Variants in SLC8A1 observed in about 807,000 individuals in gnomAD.
SLC8A1 encodes the protein solute carrier family 8 member A1, also known as sodium/calcium exchanger 1.
SLC8A1 carries 18 observed loss-of-function variants against 68.3 expected under a neutral mutation model. The observed-to-expected ratio is 0.26, with a 90% CI of 0.18 to 0.39. SLC8A1 has a LOEUF of 0.39. Among genes scored for constraint, SLC8A1 ranks in the 10% least tolerant of loss-of-function variants. SLC8A1 has a pLI of 1.00. For synonymous variants in SLC8A1, 475 were observed against 415.5 expected (o/e 1.14, Z -1.74); for missense variants, 985 against 1,156.7 (o/e 0.85, Z 2.15).
chr2:40,510,620 G>A (rs1007652187), intron 1 of SLC8A1, among the ~76,000 whole-genome samples: 10 of 152,020 alleles, frequency 6.6e-5, no homozygotes, highest in African/African-American at 2.4e-4. Context: ...CCATCTTTTC[G>A]TAGGCCTGTT....
chr2:40,402,492 GTATT>G lies in SLC8A1; in HGVS notation c.1808+25977_1808+25980del, dbSNP rs1689051600. Among the ~76,000 whole-genome samples the G allele has an allele frequency of 5.9e-5, 9 of 152,288 alleles. No homozygotes were observed. The South Asian group carries it at 1.9e-3, about 32-fold the overall frequency. On this transcript the variant is annotated intron_variant, in intron 2 of 7. Transcript: ENST00000406785. ...CTTAATAAACTTGCTTTCACTTTAT[GTATT>G]TGCCCCGAATTCTTTCTTGCACAAG...
Position 40,232,751 on chromosome 2 carries a change from C to CT in SLC8A1, c.1809-54897_1809-54896insA, listed in dbSNP as rs1185958882. Among the ~76,000 whole-genome samples, 3 of 87,176 alleles carry CT rather than the reference C, an allele frequency of 3.4e-5. 1 individual carries two copies. The highest frequency in any genetic ancestry group is 8.4e-5 in the Non-Finnish European group (3 of 35,892). The allele number at this position is 87,176 out of a possible 152,430, so 57.2% of individuals were successfully genotyped here. A position where few individuals can be genotyped will look rare whatever the true frequency, so the allele number is the denominator to read the frequency against. Reference sequence around the variant, plus strand: ...ATCTCCCAGTGCTATCCCTCCCCCCCCGCCACCCCACAACAGTCCCCAGAG... The same window carrying CT: ...ATCTCCCAGTGCTATCCCTCCCCCCCTCGCCACCCCACAACAGTCCCCAGAG... On this transcript the variant is annotated intron_variant, in intron 2 of 7. Transcript: ENST00000406785.
intron 1 of SLC8A1, among the ~76,000 whole-genome samples, chr2:40,468,434 C>A (rs571212657): frequency 6.6e-6 from 1 of 152,080 alleles, no homozygotes; most frequent in Non-Finnish European, 1.5e-5. Flanking sequence ...TTATGTCTTT[C>A]TACATAATTC....
chr2:40,424,457 T>C (rs1696338198), intron 2 of SLC8A1, among the ~76,000 whole-genome samples: 3 of 151,766 alleles, frequency 2.0e-5, no homozygotes, highest in Non-Finnish European at 3.0e-5. Flanking sequence ...ACCCATATAC[T>C]ACTGAAATTT....
chr2:40,261,085 T>C (rs1423559242), intron 2 of SLC8A1, among the ~76,000 whole-genome samples: 1 of 152,202 alleles, frequency 6.6e-6, no homozygotes, highest in Non-Finnish European at 1.5e-5. Context: ...CAGGTCAAAA[T>C]GGCACTTGCT....
At chr2:40,177,369 G>T (rs987362057) in intron 3 of SLC8A1, among the ~76,000 whole-genome samples, 1 of 152,136 alleles carries the variant, frequency 6.6e-6, no homozygotes, top group Non-Finnish European at 1.5e-5. Context: ...CTTTATTGAG[G>T]TATGATTGAT....
intron 2 of SLC8A1, among the ~76,000 whole-genome samples, chr2:40,345,029 C>CGA (rs1668818823): frequency 6.6e-6 from 1 of 152,168 alleles, no homozygotes; most frequent in South Asian, 2.1e-4. Flanking sequence ...TGACAAGAGG[C>CGA]TATAAGCCAT....
chr2:40,216,198 C>T lies in SLC8A1; in HGVS notation c.1809-38343G>A, dbSNP rs533275914. Among the ~76,000 whole-genome samples, 28 of 152,170 alleles carry T rather than the reference C, an allele frequency of 1.8e-4. No individual in the cohort carries two copies. In the East Asian group the frequency reaches 4.1e-3, roughly 22 times the overall value. Reference sequence around the variant, plus strand: ...GGCCCTGGTGTGTGGTGTTCCCCCTCCCTGTGTCCATGTGTTCTCAATGTT... The same window carrying T: ...GGCCCTGGTGTGTGGTGTTCCCCCTTCCTGTGTCCATGTGTTCTCAATGTT... On this transcript the variant is annotated intron_variant, in intron 2 of 7. Coordinates refer to ENST00000406785, the Ensembl canonical transcript of SLC8A1.
intron 6 of SLC8A1, among the ~76,000 whole-genome samples, chr2:40,148,006 C>T (rs935942789): frequency 3.9e-5 from 6 of 152,152 alleles, no homozygotes; most frequent in Admixed American, 2.6e-4. Flanking sequence ...TCTGTCACCT[C>T]GCTACAATTA....
rs3059526 is a variant in SLC8A1, at chr2:40,325,777, CAAAAAAAAAAAA to C, written c.1808+102684_1808+102695del. The stretch of plus-strand genomic sequence containing the variant: ...TGAAACCCTGTCTCTACTAAAAATA[CAAAAAAAAAAAA>C]AAAAAAAAAAAAAAAGTAGCTGAGC... On this transcript the variant is annotated intron_variant, in intron 2 of 7. Transcript: ENST00000406785. 2.0e-4 allele frequency among the ~76,000 whole-genome samples: 9 copies of C among 45,010 alleles called. No individual in the cohort carries two copies. In the East Asian group the frequency reaches 3.0e-3, roughly 15 times the overall value. 29.5% of individuals were successfully genotyped at this position (45,010 alleles called of 152,430 possible).
chr2:40,126,177 C>T (rs1360674715), intron 7 of SLC8A1, among the ~76,000 whole-genome samples: 3 of 152,238 alleles, frequency 2.0e-5, no homozygotes, highest in Admixed American at 1.3e-4. Flanking sequence ...GATAACAACT[C>T]CATGCTCTGA....
chr2:40,347,028 A>T (rs919145237), intron 2 of SLC8A1, among the ~76,000 whole-genome samples: 1 of 152,234 alleles, frequency 6.6e-6, no homozygotes, highest in African/African-American at 2.4e-5. Flanking sequence ...AAAGCACAGC[A>T]TGTGACAGAA....
chr2:40,122,341 A>T (rs1051897975), intron 7 of SLC8A1, among the ~76,000 whole-genome samples: 1 of 152,168 alleles, frequency 6.6e-6, no homozygotes, highest in Non-Finnish European at 1.5e-5. Flanking sequence ...ACTGATTAAT[A>T]ACCAGGTAGA....
intron 2 of SLC8A1, among the ~76,000 whole-genome samples, chr2:40,233,865 A>C (rs1177181598): frequency 6.6e-6 from 1 of 151,520 alleles, no homozygotes; most frequent in Non-Finnish European, 1.5e-5. Flanking sequence ...TCCTTTCCCC[A>C]TTGCTTGTTT....
intron 2 of SLC8A1, among the ~76,000 whole-genome samples, chr2:40,350,133 TG>T (rs1670600452): frequency 6.6e-6 from 1 of 152,226 alleles, no homozygotes; most frequent in Non-Finnish European, 1.5e-5. Flanking sequence ...ATTTATATGA[TG>T]TTTTAAAATC....
exon 8 of SLC8A1, chr2:40,109,364 C>G (rs921608212): frequency 2.0e-5 from 3 of 152,164 alleles, no homozygotes; most frequent in East Asian, 3.9e-4. Context: ...CATTCCCAAT[C>G]CACACCTACA....
At chr2:40,312,748 G>A (rs553424897) in intron 2 of SLC8A1, among the ~76,000 whole-genome samples, 1 of 152,124 alleles carries the variant, frequency 6.6e-6, no homozygotes, top group East Asian at 1.9e-4. Context: ...TGGAACCATG[G>A]TGTGCCAGAT....
chr2:40,216,092 G>A (rs1296443956), intron 2 of SLC8A1, among the ~76,000 whole-genome samples: 2 of 150,476 alleles, frequency 1.3e-5, no homozygotes, highest in Admixed American at 6.6e-5. Flanking sequence ...TTGTTACATA[G>A]GTATACGTGT....
At chr2:40,260,980 T>C (rs1486110748) in intron 2 of SLC8A1, among the ~76,000 whole-genome samples, 1 of 152,132 alleles carries the variant, frequency 6.6e-6, no homozygotes, top group African/African-American at 2.4e-5. Context: ...AGGAATACAG[T>C]TTAGTGAAGA....
Sources: gnomAD v4.1 joint callset for allele counts (sites outside exome capture counted in the v4.1 genomes callset) on GRCh38, gnomAD v4.1.1 for gene constraint, MANE v1.5 for transcripts, NCBI Gene and HGNC (gene_info 2026-07-23, HGNC 2026-07-21) for gene names.